RAB5A: variants seen among roughly 807,000 people sequenced by gnomAD.
The protein encoded by RAB5A is RAB5A, member RAS oncogene family.
A neutral mutation model predicts 25.7 loss-of-function variants in RAB5A; 8 were observed. That is an observed-to-expected ratio of 0.31 (90% confidence interval 0.18 to 0.56). The LOEUF (loss-of-function observed/expected upper bound fraction) is 0.56, where lower values mean the gene tolerates loss of function less well. Ranked by LOEUF, RAB5A falls within the 20% of genes least tolerant of loss-of-function variation. The probability of loss-of-function intolerance (pLI) is 0.91; values close to 1 mark genes in which losing one functional copy is unlikely to be tolerated. For missense variants in RAB5A, 192 were observed against 259.7 expected (o/e 0.74, Z 1.79); for synonymous variants, 98 against 89.8 (o/e 1.09, Z -0.52).
chr3:19,959,290 A>G (rs1188608786), intron 2 of RAB5A, among the ~76,000 whole-genome samples: 2 of 152,168 alleles, frequency 1.3e-5, no homozygotes, highest in Non-Finnish European at 2.9e-5. Context: ...TAAAACTAGA[A>G]ATCAGGGACA....
chr3:19,956,935 T>TG (rs1481334152), intron 2 of RAB5A, among the ~76,000 whole-genome samples: 33 of 140,524 alleles, frequency 2.3e-4, no homozygotes, highest in Admixed American at 1.2e-3. Context: ...AAAAATTTTG[T>TG]GTTTTTTTTC....
rs549967860 is a variant in RAB5A, at chr3:19,962,603, C to G, written c.163+11542C>G. On this transcript the variant is annotated intron_variant, in intron 2 of 5. Coordinates refer to ENST00000273047, the MANE Select transcript of RAB5A (RefSeq NM_004162.5). ...AAGTACTGTCTGCCGTAAGACCTAT[C>G]TATATCAAAAGAACGTCCGCATTTT... Among the ~76,000 whole-genome samples, 8 of 152,086 alleles carry G rather than the reference C, an allele frequency of 5.3e-5. No homozygotes were observed. In the South Asian group the frequency reaches 1.7e-3, roughly 32 times the overall value.
chr3:19,980,488 A>G (rs1696904241), intron 5 of RAB5A, among the ~76,000 whole-genome samples: 1 of 149,158 alleles, frequency 6.7e-6, no homozygotes, highest in South Asian at 2.1e-4. Flanking sequence ...ACACTTTGAT[A>G]GATTAGTAAC....
At chr3:19,952,779 G>A (rs9968122) in intron 2 of RAB5A, among the ~76,000 whole-genome samples, 83,152 of 151,698 alleles carry the variant, frequency 0.55, 23,176 homozygotes, top group Non-Finnish European at 0.58. Context: ...GTACATCCAC[G>A]TGTGATTTTG....
At chr3:19,969,269 C>T (rs897070348) in intron 2 of RAB5A, among the ~76,000 whole-genome samples, 1 of 151,992 alleles carries the variant, frequency 6.6e-6, no homozygotes, top group Non-Finnish European at 1.5e-5. Flanking sequence ...GTCTTGAACT[C>T]CTGAACTCAA....
intron 3 of RAB5A, 105 bp from the exon 4 acceptor site, chr3:19,975,942 C>G: frequency 7.0e-7 from 1 of 1,436,142 alleles, no homozygotes; most frequent in East Asian, 2.3e-5. Context: ...CTAATAATTT[C>G]TTTCCCACAG....
rs570265786 is a variant in RAB5A, at chr3:19,984,503, G to A, written c.*680G>A. On this transcript the variant is annotated 3_prime_UTR_variant, in exon 6 of 6. Coordinates refer to ENST00000273047, the MANE Select transcript of RAB5A (RefSeq NM_004162.5). The stretch of plus-strand genomic sequence containing the variant: ...ACTAATAAATGCACCTTAATGGTCA[G>A]TGTTCCTTTCAAACATGTGAGTTCT... 5.0e-6 allele frequency: 1 copy of A among 198,198 alleles called. No individual in the cohort carries two copies. The highest frequency in any genetic ancestry group is 6.2e-5 in the Admixed American group (1 of 16,006). 12.3% of individuals were successfully genotyped at this position (198,198 alleles called of 1,614,324 possible).
chr3:19,978,967 C>G (rs1696870907), intron 5 of RAB5A: 1 of 150,840 alleles, frequency 6.6e-6, no homozygotes. Context: ...AATGTTCTTG[C>G]TGTTGCTTTA....
intron 5 of RAB5A, 54 bp from the exon 6 acceptor site, chr3:19,983,654 C>T: frequency 1.7e-6 from 2 of 1,184,622 alleles, no homozygotes; most frequent in Middle Eastern, 1.9e-4. Context: ...GCAGGTGAAA[C>T]TGATATTAAT....
intron 2 of RAB5A, among the ~76,000 whole-genome samples, chr3:19,969,875 G>A (rs1266645389): frequency 1.3e-5 from 2 of 151,964 alleles, no homozygotes; most frequent in Non-Finnish European, 2.9e-5. Flanking sequence ...GCACAATCTC[G>A]GCTCTGCAAC....
At chr3:19,967,989 G>A (rs1318757981) in intron 2 of RAB5A, among the ~76,000 whole-genome samples, 1 of 152,092 alleles carries the variant, frequency 6.6e-6, no homozygotes. Context: ...GTGCTTATCT[G>A]TCTGAGAAAA....
At position 19,984,521 on chromosome 3, in the gene RAB5A, T is replaced by C. The variant is rs1696995552; in HGVS notation, c.*698T>C. 5.4e-6 allele frequency: 1 copy of C among 183,662 alleles called. No homozygotes were observed. The highest frequency in any genetic ancestry group is 1.0e-4 in the South Asian group (1 of 9,920). 11.4% of individuals were successfully genotyped at this position (183,662 alleles called of 1,614,324 possible). ...ATGGTCAGTGTTCCTTTCAAACATG[T>C]GAGTTCTTTAACAAAAATGAAATAA... On this transcript the variant is annotated 3_prime_UTR_variant, in exon 6 of 6. Transcript: ENST00000273047.
At chr3:19,967,748 G>A (rs1190713248) in intron 2 of RAB5A, among the ~76,000 whole-genome samples, 3 of 151,960 alleles carry the variant, frequency 2.0e-5, no homozygotes, top group African/African-American at 7.3e-5. Flanking sequence ...CCTCCTGGGT[G>A]CTGAGTAATA....
intron 5 of RAB5A, among the ~76,000 whole-genome samples, chr3:19,982,465 A>T (rs1033554416): frequency 4.6e-5 from 7 of 152,156 alleles, no homozygotes; most frequent in Admixed American, 2.0e-4. Context: ...CATAGATTAT[A>T]ATTGTTCATT....
chr3:19,970,613 A>C, intron 2 of RAB5A: 1 of 456,690 alleles, frequency 2.2e-6, no homozygotes, highest in Non-Finnish European at 4.4e-6. Flanking sequence ...ACCAACTGCT[A>C]GTGCTGGTGA....
intron 1 of RAB5A, 22 bp downstream of exon 1, chr3:19,947,543 C>T (rs942595502): frequency 1.3e-5 from 2 of 152,470 alleles, no homozygotes; most frequent in South Asian, 2.0e-4. Flanking sequence ...GCCCCTCCTC[C>T]TGCGCAGCGG....
intron 2 of RAB5A, among the ~76,000 whole-genome samples, chr3:19,974,172 T>C (rs1696789791): frequency 6.6e-6 from 1 of 151,900 alleles, no homozygotes; most frequent in African/African-American, 2.4e-5. Flanking sequence ...CTTTTTTTTT[T>C]TTTTTGAGAC....
intron 1 of RAB5A, among the ~76,000 whole-genome samples, chr3:19,949,528 A>G (rs1458223280): frequency 1.3e-5 from 2 of 152,216 alleles, no homozygotes; most frequent in Non-Finnish European, 2.9e-5. Flanking sequence ...TATATGAGGT[A>G]GCTAAATGAA....
intron 5 of RAB5A, among the ~76,000 whole-genome samples, chr3:19,982,900 G>C (rs1176489860): frequency 3.3e-5 from 5 of 152,146 alleles, no homozygotes; most frequent in Non-Finnish European, 1.5e-5. Context: ...AGTTTTGTTG[G>C]GGTGATGATT....
Sources: gnomAD v4.1 joint callset for allele counts (sites outside exome capture counted in the v4.1 genomes callset) on GRCh38, gnomAD v4.1.1 for gene constraint, MANE v1.5 for transcripts, NCBI Gene and HGNC (gene_info 2026-07-23, HGNC 2026-07-21) for gene names.